The following CCDC85A variants were observed in gnomAD, a reference collection of about 807,000 sequenced individuals.
CCDC85A encodes the protein coiled-coil domain containing 85A.
In CCDC85A, 38 loss-of-function variants were observed where a neutral mutation model predicts 50.2. That is an observed-to-expected ratio of 0.76 (90% CI 0.58 to 0.99). The LOEUF is 0.99. CCDC85A is among the 50% of genes least tolerant of loss of function. The probability of loss-of-function intolerance (pLI) is 0.00; values close to 1 mark genes in which losing one functional copy is unlikely to be tolerated. For missense variants in CCDC85A, 820 were observed against 742.0 expected, an observed-to-expected ratio of 1.11 and a Z score of -1.22; for synonymous variants, 366 against 301.4, an observed-to-expected ratio of 1.21 and a Z score of -2.22.
At chr2:56,240,759 T>C (rs1669222301) in intron 2 of CCDC85A, among the ~76,000 whole-genome samples, 1 of 152,210 alleles carries the variant, frequency 6.6e-6, no homozygotes, top group Admixed American at 6.6e-5. Flanking sequence ...GGCCAATGCA[T>C]GGATAATATA....
At chr2:56,302,760 T>G (rs1175322334) in intron 2 of CCDC85A, among the ~76,000 whole-genome samples, 1 of 152,262 alleles carries the variant, frequency 6.6e-6, no homozygotes, top group East Asian at 1.9e-4. Context: ...TGTGTTCCAT[T>G]TATTTGTATA....
intron 2 of CCDC85A, among the ~76,000 whole-genome samples, chr2:56,278,186 C>T (rs1051646743): frequency 6.6e-6 from 1 of 152,004 alleles, no homozygotes; most frequent in Non-Finnish European, 1.5e-5. Context: ...TCTGGATCCT[C>T]TATATTGGTT....
chr2:56,258,944 T>C (rs1670102705), intron 2 of CCDC85A, among the ~76,000 whole-genome samples: 1 of 152,134 alleles, frequency 6.6e-6, no homozygotes, highest in African/African-American at 2.4e-5. Flanking sequence ...GCTAAGGCTT[T>C]TGAGAAAGTT....
At chr2:56,328,620 T>C (rs755320281) in intron 2 of CCDC85A, among the ~76,000 whole-genome samples, 1 of 152,190 alleles carries the variant, frequency 6.6e-6, no homozygotes, top group Non-Finnish European at 1.5e-5. Flanking sequence ...ATGAACAAAA[T>C]AGAACTTTTG....
At chr2:56,236,164 G>T (rs537248018) in intron 2 of CCDC85A, among the ~76,000 whole-genome samples, 1 of 152,168 alleles carries the variant, frequency 6.6e-6, no homozygotes, top group Non-Finnish European at 1.5e-5. Flanking sequence ...TACTTCCAGT[G>T]TCATTGTAAG....
chr2:56,196,188 CAACAAA>C (rs1365379542), intron 2 of CCDC85A, among the ~76,000 whole-genome samples: 3 of 152,030 alleles, frequency 2.0e-5, no homozygotes, highest in African/African-American at 7.2e-5. Flanking sequence ...GTTTAGAAAA[CAACAAA>C]AGCAAAAGCA....
chr2:56,381,412 T>C (rs1367110549), intron 5 of CCDC85A, among the ~76,000 whole-genome samples: 1 of 151,980 alleles, frequency 6.6e-6, no homozygotes, highest in East Asian at 1.9e-4. Flanking sequence ...GCCATAGAGG[T>C]CATTCTCCAG....
At chr2:56,293,145 T>C (rs181530668) in intron 2 of CCDC85A, among the ~76,000 whole-genome samples, 23 of 152,304 alleles carry the variant, frequency 1.5e-4, no homozygotes, top group African/African-American at 4.1e-4. Context: ...CTGTGGCATG[T>C]ATTAGGTCCC....
chr2:56,352,445 G>A (rs773286544), intron 3 of CCDC85A, among the ~76,000 whole-genome samples: 38 of 152,054 alleles, frequency 2.5e-4, no homozygotes, highest in Non-Finnish European at 3.7e-4. Context: ...TCCCTGGTTC[G>A]AGTGATTCTC....
rs1489267727 is a variant in CCDC85A, at chr2:56,288,095, TC to T, written c.1241-54780del. 5.9e-5 allele frequency among the ~76,000 whole-genome samples: 9 copies of T among 152,258 alleles called. No individual in the cohort carries two copies. In the East Asian group the frequency reaches 1.7e-3, roughly 29 times the overall value. On this transcript the variant is annotated intron_variant, in intron 2 of 5. Transcript: ENST00000407595. Reference sequence around the variant, plus strand: ...TATCTTGGGATGATTGACAGTTTACTCCCCACAGCTGAGTAGGAGCACTAAT... The same window carrying T: ...TATCTTGGGATGATTGACAGTTTACTCCCACAGCTGAGTAGGAGCACTAAT...
intron 2 of CCDC85A, among the ~76,000 whole-genome samples, chr2:56,337,721 T>G (rs958083154): frequency 2.0e-5 from 3 of 152,110 alleles, no homozygotes; most frequent in African/African-American, 7.2e-5. Context: ...TCAAATTACC[T>G]TATTGTTTTT....
At chr2:56,359,806 C>T (rs1490428381) in intron 3 of CCDC85A, among the ~76,000 whole-genome samples, 1 of 152,130 alleles carries the variant, frequency 6.6e-6, no homozygotes, top group Non-Finnish European at 1.5e-5. Flanking sequence ...TGATCTTTGT[C>T]ATATATGTGG....
At chr2:56,212,483 G>A (rs1465857876) in intron 2 of CCDC85A, among the ~76,000 whole-genome samples, 2 of 152,106 alleles carry the variant, frequency 1.3e-5, no homozygotes, top group East Asian at 3.9e-4. Flanking sequence ...CTTTGTAGTT[G>A]ACAGGGAGAA....
At chr2:56,373,035 A>T (rs1170594975) in intron 4 of CCDC85A, among the ~76,000 whole-genome samples, 1 of 152,198 alleles carries the variant, frequency 6.6e-6, no homozygotes, top group African/African-American at 2.4e-5. Flanking sequence ...AATTCTCCAA[A>T]TATTGGTCTG....
intron 3 of CCDC85A, among the ~76,000 whole-genome samples, chr2:56,346,635 A>G (rs939832427): frequency 2.0e-5 from 3 of 152,220 alleles, no homozygotes; most frequent in African/African-American, 7.2e-5. Context: ...ATCCTAAGGT[A>G]AGAGCCAGTC....
chr2:56,343,152 G>C (rs935312095), intron 3 of CCDC85A, among the ~76,000 whole-genome samples, 197 bp downstream of exon 3: 3 of 152,160 alleles, frequency 2.0e-5, no homozygotes, highest in Non-Finnish European at 4.4e-5. Context: ...TTATACTAAA[G>C]GGTGCAGATA....
intron 2 of CCDC85A, among the ~76,000 whole-genome samples, chr2:56,232,346 A>G (rs1668809477): frequency 2.0e-5 from 3 of 152,254 alleles, no homozygotes; most frequent in South Asian, 2.1e-4. Flanking sequence ...TTCAAACCAA[A>G]TATCTCCTAG....
intron 2 of CCDC85A, among the ~76,000 whole-genome samples, chr2:56,273,017 G>A (rs747496702): frequency 9.2e-5 from 14 of 152,144 alleles, no homozygotes; most frequent in Non-Finnish European, 1.6e-4. Context: ...TTAGGATGAT[G>A]TTACATTTGT....
intron 3 of CCDC85A, among the ~76,000 whole-genome samples, chr2:56,358,556 T>C (rs1675352745): frequency 6.6e-6 from 1 of 152,164 alleles, no homozygotes. Context: ...TTATGGGCCA[T>C]ATGTTCTGCT....
Sources: allele counts gnomAD v4.1 joint callset (sites outside exome capture counted in the v4.1 genomes callset), GRCh38; gene constraint gnomAD v4.1.1; transcripts MANE v1.5; gene names NCBI Gene and HGNC (gene_info 2026-07-23, HGNC 2026-07-21).